Variants in ANK2 observed in about 807,000 individuals in gnomAD.
ANK2 encodes the protein ankyrin 2.
Under a neutral mutation model 360.5 loss-of-function variants are expected in ANK2, and 83 were observed. The ratio of observed to expected loss-of-function variants is 0.23; its 90% confidence interval spans 0.19 to 0.28. The LOEUF is 0.28. Ranked by LOEUF, ANK2 falls within the 10% of genes least tolerant of loss-of-function variation. ANK2 has a pLI of 1.00. For synonymous variants in ANK2, 1,740 were observed against 1,759.5 expected (o/e 0.99, Z 0.28); for missense variants, 4,201 against 4,795.7 (o/e 0.88, Z 3.66).
chr4:112,822,866 A>C (rs2057510453), intron 1 of ANK2, among the ~76,000 whole-genome samples: 2 of 137,832 alleles, frequency 1.5e-5, no homozygotes, highest in Admixed American at 1.5e-4. Context: ...GACCCACAAG[A>C]GATTTAAAAA....
rs1426846008 is a variant in ANK2, at chr4:113,353,615, G to A, written c.4997G>A (p.Cys1666Tyr). 5 of 1,614,098 alleles carry A rather than the reference G, an allele frequency of 3.1e-6. No homozygotes were observed. Among genetic ancestry groups the A allele is most frequent in the Non-Finnish European group, 3.4e-6 (4 of 1,179,988 alleles). ...QTVQDKAGKK[C>Y]EALAVGRSSE... ...GTTCAAGATAAGGCAGGGAAGAAAT[G>A]TGAGGCTCTGGCTGTTGGCAGGAGC... The change falls in exon 38 of 46, where the codon TGT (cysteine) becomes TAT (tyrosine). Residue 1666 changes from cysteine to tyrosine, a missense_variant. Transcript: ENST00000357077.
At chr4:112,858,369 C>T (rs1406273021) in intron 1 of ANK2, among the ~76,000 whole-genome samples, 3 of 152,062 alleles carry the variant, frequency 2.0e-5, no homozygotes, top group Admixed American at 1.3e-4. Flanking sequence ...GCTTTTTATA[C>T]GTTACCTTTA....
chr4:113,362,319 A>T (rs1345319648), intron 39 of ANK2, among the ~76,000 whole-genome samples: 2 of 152,198 alleles, frequency 1.3e-5, no homozygotes, highest in African/African-American at 4.8e-5. Context: ...GTATATTTTT[A>T]ATTTTGAAAG....
chr4:113,208,186 C>A (rs1266338247), intron 4 of ANK2, among the ~76,000 whole-genome samples: 3 of 151,940 alleles, frequency 2.0e-5, no homozygotes, highest in Non-Finnish European at 4.4e-5. Context: ...GAAAACATGA[C>A]CCTGGTGCAG....
intron 1 of ANK2, among the ~76,000 whole-genome samples, chr4:113,092,571 C>T (rs544064087): frequency 8.2e-6 from 1 of 122,010 alleles, no homozygotes; most frequent in African/African-American, 3.5e-5. Flanking sequence ...TGGGAATTAG[C>T]TATTCATCTT....
At chr4:113,163,764 C>CAAAAAAAAAA (rs1158530849) in intron 1 of ANK2, among the ~76,000 whole-genome samples, 28 of 55,040 alleles carry the variant, frequency 5.1e-4, no homozygotes, top group Non-Finnish European at 7.2e-4. Context: ...AACTTCGTCT[C>CAAAAAAAAAA]AAAAAAAAAA....
At chr4:113,053,229 A>C (rs898378847) in intron 1 of ANK2, among the ~76,000 whole-genome samples, 3 of 152,158 alleles carry the variant, frequency 2.0e-5, no homozygotes, top group African/African-American at 4.8e-5. Flanking sequence ...TGCCTTTCTC[A>C]TTCTCCAGCT....
chr4:112,842,213 T>A (rs963509064), intron 1 of ANK2, among the ~76,000 whole-genome samples: 2 of 152,178 alleles, frequency 1.3e-5, no homozygotes, highest in African/African-American at 4.8e-5. Context: ...TTTCACCATG[T>A]TGGCCAGTCT....
chr4:113,333,296 ATATGTG>A (rs2092898156), intron 29 of ANK2, 88 bp downstream of exon 29: 14 of 1,387,372 alleles, frequency 1.0e-5, no homozygotes, highest in Non-Finnish European at 1.4e-5. Flanking sequence ...GGGTGTGTGT[ATATGTG>A]TGTGTGTGTG....
chr4:112,750,423 T>G, the ANK2 span, among the ~76,000 whole-genome samples: 1 of 152,180 alleles, frequency 6.6e-6, no homozygotes, highest in Non-Finnish European at 1.5e-5. Flanking sequence ...TTAAATATGT[T>G]TAGATACACA....
chr4:112,758,441 C>G, the ANK2 span, among the ~76,000 whole-genome samples: 4 of 152,072 alleles, frequency 2.6e-5, no homozygotes, highest in East Asian at 5.8e-4. Flanking sequence ...GATAGAGTCT[C>G]ACTCTGTCGC....
At chr4:113,163,671 G>A (rs961898037) in intron 1 of ANK2, among the ~76,000 whole-genome samples, 1 of 150,302 alleles carries the variant, frequency 6.7e-6, no homozygotes, top group Non-Finnish European at 1.5e-5. Flanking sequence ...GGCTGAGGCA[G>A]GAGAATCGCT....
chr4:113,157,544 A>G (rs891907788), intron 1 of ANK2, among the ~76,000 whole-genome samples: 2 of 152,254 alleles, frequency 1.3e-5, no homozygotes, highest in African/African-American at 4.8e-5. Flanking sequence ...TAGCAACATT[A>G]AAGAAAAGAA....
rs13435281 is a variant in ANK2, at chr4:113,359,343, A to C, written c.10681+44A>C. 8.5e-4 allele frequency: 1,368 copies of C among 1,608,504 alleles called. 12 individuals carry two copies. In the African/African-American group the frequency reaches 0.016, roughly 19 times the overall value. ...GATTCCCTGTGCTACGCATGTCATAAAATTGATATAGTTTTTTTGTATGTT... is the reference window on the plus strand; with the variant it reads ...GATTCCCTGTGCTACGCATGTCATACAATTGATATAGTTTTTTTGTATGTT... On this transcript the variant is annotated intron_variant, in intron 38 of 45. Coordinates refer to ENST00000357077, the MANE Select transcript of ANK2 (RefSeq NM_001148.6).
chr4:112,987,677 CT>C (rs1329608487), intron 2 of ANK2, among the ~76,000 whole-genome samples: 1 of 151,952 alleles, frequency 6.6e-6, no homozygotes, highest in Non-Finnish European at 1.5e-5. Flanking sequence ...TATTTTTTCC[CT>C]GTTAGGTTTC....
chr4:113,179,636 T>C, intron 2 of ANK2, among the ~76,000 whole-genome samples: 1 of 152,220 alleles, frequency 6.6e-6, no homozygotes, highest in Non-Finnish European at 1.5e-5. Flanking sequence ...TATTATCTCT[T>C]GTACATTTAG....
chr4:113,101,458 A>G (rs1229341047), intron 1 of ANK2, among the ~76,000 whole-genome samples: 1 of 152,164 alleles, frequency 6.6e-6, no homozygotes, highest in African/African-American at 2.4e-5. Flanking sequence ...TAGTGGTGTT[A>G]ACTGGACTCT....
At chr4:113,377,425 CA>C (rs1296232292) in intron 45 of ANK2, among the ~76,000 whole-genome samples, 1 of 152,108 alleles carries the variant, frequency 6.6e-6, no homozygotes, top group Admixed American at 6.5e-5. Flanking sequence ...CATTATGTAG[CA>C]TGTGACTGTA....
intron 2 of ANK2, among the ~76,000 whole-genome samples, chr4:112,979,152 G>T (rs2042315439): frequency 6.6e-6 from 1 of 152,224 alleles, no homozygotes; most frequent in South Asian, 2.1e-4. Flanking sequence ...CGTGCTACCA[G>T]CCCAGATCCC....
Sources: gnomAD v4.1 joint callset for allele counts (sites outside exome capture counted in the v4.1 genomes callset) on GRCh38, gnomAD v4.1.1 for gene constraint, MANE v1.5 for transcripts, NCBI Gene and HGNC (gene_info 2026-07-23, HGNC 2026-07-21) for gene names.